Variants in LRRC4C observed in about 807,000 individuals in gnomAD.
LRRC4C encodes leucine-rich repeat-containing protein 4C.
In LRRC4C, 5 loss-of-function variants were observed where a neutral mutation model predicts 33.6. That is an observed-to-expected ratio of 0.15 (90% CI 0.08 to 0.31). The LOEUF is 0.31. LRRC4C is among the 10% of genes least tolerant of loss of function. The pLI is 1.00. For missense variants in LRRC4C, 560 were observed against 796.7 expected (o/e 0.70, Z 3.58); for synonymous variants, 329 against 302.0 (o/e 1.09, Z -0.93).
chr11:40,806,871 C>A (rs914662731), intron 2 of LRRC4C, among the ~76,000 whole-genome samples: 3 of 151,960 alleles, frequency 2.0e-5, no homozygotes, highest in Non-Finnish European at 4.4e-5. Context: ...AGCGTATAGC[C>A]AGTCTTGAAT....
chr11:41,075,683 A>T (rs1939096695), intron 1 of LRRC4C, among the ~76,000 whole-genome samples: 1 of 151,970 alleles, frequency 6.6e-6, no homozygotes, highest in African/African-American at 2.4e-5. Context: ...CATTCACTAC[A>T]TTTTTTTCTC....
At chr11:40,916,988 C>G (rs1281338627) in intron 2 of LRRC4C, among the ~76,000 whole-genome samples, 1 of 151,994 alleles carries the variant, frequency 6.6e-6, no homozygotes, top group Non-Finnish European at 1.5e-5. Context: ...TTTTCTTGAA[C>G]TATAATCATG....
chr11:40,861,488 G>A (rs986812885), intron 2 of LRRC4C, among the ~76,000 whole-genome samples: 2 of 152,130 alleles, frequency 1.3e-5, no homozygotes, highest in African/African-American at 2.4e-5. Context: ...TTATGGATGA[G>A]GTTTATGGAA....
chr11:41,398,932 G>A (rs1953924343), intron 1 of LRRC4C, among the ~76,000 whole-genome samples: 1 of 151,874 alleles, frequency 6.6e-6, no homozygotes, highest in African/African-American at 2.4e-5. Context: ...TATTTACCTT[G>A]TAAGGCTTAA....
intron 5 of LRRC4C, among the ~76,000 whole-genome samples, chr11:40,159,154 A>G (rs985677816): frequency 6.6e-6 from 1 of 152,114 alleles, no homozygotes. Flanking sequence ...CAAAGAGTCT[A>G]AAATATTTCT....
At chr11:40,442,190 A>C in intron 3 of LRRC4C, among the ~76,000 whole-genome samples, 1 of 140,228 alleles carries the variant, frequency 7.1e-6, no homozygotes, top group Non-Finnish European at 1.6e-5. Context: ...AAAAAAAAAG[A>C]TCAACTGCCT....
intron 1 of LRRC4C, among the ~76,000 whole-genome samples, chr11:41,432,043 G>A (rs1955256577): frequency 6.6e-6 from 1 of 152,196 alleles, no homozygotes; most frequent in Admixed American, 6.5e-5. Flanking sequence ...AGCGAGAAAA[G>A]TTAGGTTGAA....
Position 40,641,595 on chromosome 11 carries a change from T to C in LRRC4C, c.-270+6547A>G, listed in dbSNP as rs1003436824. Reference sequence around the variant, plus strand: ...CAAAGTTGATGCGAAGAGTTTATAATGTAGGTCAGAAAGAGGTCTTTTTTT... The same window carrying C: ...CAAAGTTGATGCGAAGAGTTTATAACGTAGGTCAGAAAGAGGTCTTTTTTT... On this transcript the variant is annotated intron_variant, in intron 3 of 6. Coordinates refer to ENST00000528697, the MANE Select transcript of LRRC4C (RefSeq NM_001258419.2). Among the ~76,000 whole-genome samples, 4 of 152,214 alleles carry C rather than the reference T, an allele frequency of 2.6e-5. No homozygotes were observed. In the East Asian group the frequency reaches 7.7e-4, roughly 29 times the overall value.
intron 1 of LRRC4C, among the ~76,000 whole-genome samples, chr11:41,424,854 T>C (rs1309821228): frequency 6.6e-6 from 1 of 152,098 alleles, no homozygotes; most frequent in Non-Finnish European, 1.5e-5. Context: ...GTATTTTTTT[T>C]TGAAAATTTA....
chr11:40,268,615 G>C (rs1208968442), intron 4 of LRRC4C, among the ~76,000 whole-genome samples: 1 of 151,722 alleles, frequency 6.6e-6, no homozygotes, highest in African/African-American at 2.4e-5. Context: ...TCAGAGACTG[G>C]ATTAGAATTT....
chr11:40,931,311 T>G (rs556425714), intron 2 of LRRC4C, among the ~76,000 whole-genome samples: 3 of 152,312 alleles, frequency 2.0e-5, no homozygotes, highest in African/African-American at 7.2e-5. Flanking sequence ...ACTGGGAATT[T>G]AAAGACAGTA....
rs116023621 is a variant in LRRC4C at position 41,123,665 on chromosome 11, T to C, written c.-495-189942A>G. Among the ~76,000 whole-genome samples the C allele has an allele frequency of 8.3e-3, 1,217 of 146,614 alleles. 16 individuals carry two copies. The highest frequency in any genetic ancestry group is 0.028 in the African/African-American group (1,138 of 40,380). ...TTAATTCATTCTTTCCCAGCTTCTC[T>C]GAGTTCACTCAATTTTTTCTCAGGT... is the stretch of plus-strand genomic sequence containing the variant. On this transcript the variant is annotated intron_variant, in intron 1 of 6. Transcript: ENST00000528697.
intron 4 of LRRC4C, among the ~76,000 whole-genome samples, chr11:40,287,296 T>C (rs1943911256): frequency 7.6e-6 from 1 of 131,238 alleles, no homozygotes; most frequent in African/African-American, 2.8e-5. Context: ...GTGTGTGTAT[T>C]CCATCAGTAT....
intron 1 of LRRC4C, among the ~76,000 whole-genome samples, chr11:41,437,673 G>GT (rs1202282879): frequency 1.3e-5 from 2 of 152,038 alleles, no homozygotes; most frequent in Non-Finnish European, 2.9e-5. Context: ...TGTTCCTTCT[G>GT]TTTTTGTTAA....
chr11:41,372,150 A>G (rs922738776), intron 1 of LRRC4C, among the ~76,000 whole-genome samples: 5 of 152,188 alleles, frequency 3.3e-5, no homozygotes, highest in African/African-American at 1.2e-4. Flanking sequence ...GTCTCAATAA[A>G]AAAATAAAAT....
intron 2 of LRRC4C, among the ~76,000 whole-genome samples, chr11:40,902,279 T>C (rs1956242801): frequency 6.6e-6 from 1 of 152,080 alleles, no homozygotes; most frequent in Admixed American, 6.6e-5. Flanking sequence ...ACTGTTGTTA[T>C]TGTTTTGGGG....
At chr11:40,634,407 T>C (rs1365749433) in intron 3 of LRRC4C, among the ~76,000 whole-genome samples, 1 of 152,178 alleles carries the variant, frequency 6.6e-6, no homozygotes, top group African/African-American at 2.4e-5. Context: ...TTTTAGGGTT[T>C]ACGGATTTCA....
chr11:41,109,137 C>T (rs1941681623), intron 1 of LRRC4C, among the ~76,000 whole-genome samples: 1 of 151,914 alleles, frequency 6.6e-6, no homozygotes, highest in African/African-American at 2.4e-5. Flanking sequence ...TATCTTCATC[C>T]CTTTATCCCT....
intron 3 of LRRC4C, among the ~76,000 whole-genome samples, chr11:40,484,708 A>G (rs1279805079): frequency 6.6e-6 from 1 of 152,238 alleles, no homozygotes; most frequent in Non-Finnish European, 1.5e-5. Context: ...TCCTAAATGT[A>G]TATAAAATTT....
Sources: gnomAD v4.1 joint callset for allele counts (sites outside exome capture counted in the v4.1 genomes callset) on GRCh38, gnomAD v4.1.1 for gene constraint, MANE v1.5 for transcripts, NCBI Gene and HGNC (gene_info 2026-07-23, HGNC 2026-07-21) for gene names.